Variants in DLG4 observed in about 807,000 individuals in gnomAD.
The protein encoded by DLG4 is disks large homolog 4.
Under a neutral mutation model 93.8 loss-of-function variants are expected in DLG4, and 7 were observed. That is an observed-to-expected ratio of 0.07 (90% confidence interval 0.04 to 0.14). The LOEUF is 0.14. Ranked by LOEUF, DLG4 falls within the 10% of genes least tolerant of loss-of-function variation. DLG4 has a pLI of 1.00. For missense variants in DLG4, 545 were observed against 992.9 expected, an observed-to-expected ratio of 0.55 and a Z score of 6.06; for synonymous variants, 341 against 387.6, an observed-to-expected ratio of 0.88 and a Z score of 1.41.
At chr17:7,205,841 T>C (rs965571364) in intron 2 of DLG4, among the ~76,000 whole-genome samples, 24 of 142,276 alleles carry the variant, frequency 1.7e-4, no homozygotes, top group Non-Finnish European at 3.2e-4. Flanking sequence ...CTCCATCCCA[T>C]AGCCCATCCT....
rs900595364 is a variant in DLG4, at chr17:7,188,118, T to G, written c.*2590A>C. On this transcript the variant is annotated 3_prime_UTR_variant, in exon 20 of 20. Coordinates refer to ENST00000399506, the MANE Select transcript of DLG4 (RefSeq NM_001321075.3). Reference sequence around the variant, plus strand: ...TCTGAAGCAGTGCTTCTCCACCCAGTGAGACATCAAAATCACCCGGGAGCT... The same window carrying G: ...TCTGAAGCAGTGCTTCTCCACCCAGGGAGACATCAAAATCACCCGGGAGCT... Among the ~76,000 whole-genome samples, 11 of 150,228 alleles carry G rather than the reference T, an allele frequency of 7.3e-5. No individual in the cohort carries two copies. Among genetic ancestry groups the G allele is most frequent in the African/African-American group, 7.3e-5 (3 of 40,848 alleles).
intron 2 of DLG4, among the ~76,000 whole-genome samples, chr17:7,206,775 C>G (rs2070484476): frequency 6.6e-6 from 1 of 152,108 alleles, no homozygotes. Context: ...CTTGCCAGTT[C>G]TAACTCCAGA....
At chr17:7,205,088 C>G in intron 2 of DLG4, 1 of 985,558 alleles carries the variant, frequency 1.0e-6, no homozygotes. Flanking sequence ...GAGAGGAGGC[C>G]GGGCTGAAGA....
At position 7,204,205 on chromosome 17, in the gene DLG4, T is replaced by C. The variant is rs2070331789; in HGVS notation, c.144A>G (p.Pro48=). 1 of 1,606,802 alleles carries C rather than the reference T, an allele frequency of 6.2e-7. No homozygotes were observed. The highest frequency in any genetic ancestry group is 8.5e-7 in the Non-Finnish European group (1 of 1,175,210). The change falls in exon 3 of 20, where the codon CCA becomes CCG. Residue 48 remains proline (P), a synonymous_variant. Coordinates refer to ENST00000399506, the MANE Select transcript of DLG4 (RefSeq NM_001321075.3). The part of the protein sequence containing the change: ...VIVNTDTLEA[P]GYELQVNGTE... ...CAAAATCTAAACAACTCACATATCC[T>C]GGGGCTTCTAGGGTATCTGTGTTGA...
upstream of DLG4, chr17:7,218,369 CA>C: frequency 2.0e-6 from 3 of 1,476,026 alleles, no homozygotes; most frequent in Non-Finnish European, 2.8e-6. Flanking sequence ...GGCTGGCTGG[CA>C]AGGGAGGAGC....
rs181408643 is a variant in DLG4, at chr17:7,216,993, A to T, written c.30+125T>A. 8.6e-5 allele frequency: 79 copies of T among 918,934 alleles called. No individual in the cohort carries two copies. The African/African-American group carries it at 1.1e-3, about 13-fold the overall frequency. The allele number at this position is 918,934 out of a possible 1,614,324, so 56.9% of individuals were successfully genotyped here. On this transcript the variant is annotated intron_variant, in intron 1 of 19. Transcript: ENST00000399506. Reference sequence around the variant, plus strand: ...ATGTGAACCCCAAAACTAAATTAAGACCCCCAAATACATCTTACTTCTGAT... The same window carrying T: ...ATGTGAACCCCAAAACTAAATTAAGTCCCCCAAATACATCTTACTTCTGAT...
chr17:7,217,855 G>A, upstream of DLG4: 1 of 1,526,266 alleles, frequency 6.6e-7, no homozygotes, highest in Non-Finnish European at 8.8e-7. Flanking sequence ...AGCATCTATA[G>A]TTGGGCTGGG....
At position 7,211,453 on chromosome 17, in the gene DLG4, C is replaced by T. The variant is rs369076433; in HGVS notation, c.31-3214G>A. Among the ~76,000 whole-genome samples, 16 of 151,658 alleles carry T rather than the reference C, an allele frequency of 1.1e-4. No individual in the cohort carries two copies. In the East Asian group the frequency reaches 2.4e-3, roughly 22 times the overall value. On this transcript the variant is annotated intron_variant, in intron 1 of 19. Transcript: ENST00000399506. Reference sequence around the variant, plus strand: ...CCCAGTTGCACAGAATGACCTGGAACTGAGGCTTGCACCCCCAAAACATAG... The same window carrying T: ...CCCAGTTGCACAGAATGACCTGGAATTGAGGCTTGCACCCCCAAAACATAG...
upstream of DLG4, chr17:7,218,116 G>C: frequency 1.2e-6 from 1 of 853,644 alleles, no homozygotes; most frequent in Non-Finnish European, 1.8e-6. Context: ...CAAGTCCCTG[G>C]GCCACTGACT....
chr17:7,219,824 T>A, upstream of DLG4: 8 of 1,533,794 alleles, frequency 5.2e-6, no homozygotes, highest in Non-Finnish European at 7.0e-6. Flanking sequence ...AGGGCCGGGC[T>A]CCAGGGAACT....
At chr17:7,205,113 G>C (rs1052526051) in intron 2 of DLG4, 4 of 985,454 alleles carry the variant, frequency 4.1e-6, no homozygotes, top group Non-Finnish European at 4.8e-6. Context: ...TGTGGGCGCA[G>C]CGCATCCTGA....
chr17:7,201,603 G>A (rs760391994), intron 8 of DLG4, among the ~76,000 whole-genome samples: 3 of 152,184 alleles, frequency 2.0e-5, no homozygotes, highest in Admixed American at 6.5e-5. Context: ...AACGGAGGCC[G>A]GGCGCGGTGG....
intron 8 of DLG4, among the ~76,000 whole-genome samples, chr17:7,199,173 T>C (rs1212573263): frequency 1.3e-5 from 2 of 152,194 alleles, no homozygotes; most frequent in Non-Finnish European, 2.9e-5. Flanking sequence ...ATGAATGAGA[T>C]TGCCTAGCAT....
chr17:7,189,043 C>A lies in DLG4; in HGVS notation c.*1665G>T, dbSNP rs1381580679. Among the ~76,000 whole-genome samples the A allele has an allele frequency of 7.0e-6, 1 of 142,352 alleles. No homozygotes were observed. The highest frequency in any genetic ancestry group is 1.5e-5 in the Non-Finnish European group (1 of 67,010). The allele number at this position is 142,352 out of a possible 152,430, so 93.4% of individuals were successfully genotyped here. A position where few individuals can be genotyped will look rare whatever the true frequency, so the allele number is the denominator to read the frequency against. On this transcript the variant is annotated 3_prime_UTR_variant, in exon 20 of 20. Transcript: ENST00000399506. ...AGGAGAACCGTGTGAACCCAGCAGG[C>A]AGAGGTTGCAGTGAGCCAAGATCGC...
intron 1 of DLG4, among the ~76,000 whole-genome samples, chr17:7,212,938 C>A (rs1567551228): frequency 6.6e-6 from 1 of 152,054 alleles, no homozygotes; most frequent in Non-Finnish European, 1.5e-5. Context: ...GAGGCTGAGG[C>A]AGGAGGATGG....
Position 7,208,078 on chromosome 17 carries a change from G to T in DLG4, c.96+96C>A. 7.6e-7 allele frequency: 1 copy of T among 1,313,438 alleles called. No individual in the cohort carries two copies. The highest frequency in any genetic ancestry group is 9.8e-7 in the Non-Finnish European group (1 of 1,022,716). 81.4% of individuals were successfully genotyped at this position (1,313,438 alleles called of 1,614,324 possible). ...GGGGGCCACCAGGGTCTCCTACCTTGAAGGGGGAGAGGTGGGCGTGGCCCA... is the reference window on the plus strand; with the variant it reads ...GGGGGCCACCAGGGTCTCCTACCTTTAAGGGGGAGAGGTGGGCGTGGCCCA... On this transcript the variant is annotated intron_variant, in intron 2 of 19. Coordinates refer to ENST00000399506, the MANE Select transcript of DLG4 (RefSeq NM_001321075.3). This position sits in a 1 kb window ranked among gnomAD's most constrained non-coding sequence, Gnocchi z 5.4.
intron 2 of DLG4, among the ~76,000 whole-genome samples, chr17:7,207,124 G>C (rs2070500491): frequency 6.7e-6 from 1 of 149,216 alleles, no homozygotes; most frequent in South Asian, 2.1e-4. Flanking sequence ...GAGGGGGATA[G>C]AAAGAAGATA....
upstream of DLG4, chr17:7,218,599 C>T: frequency 6.4e-7 from 1 of 1,566,608 alleles, no homozygotes; most frequent in Admixed American, 1.9e-5. Context: ...GTGCCCACCG[C>T]AGCAGTGGGG....
At chr17:7,200,378 T>C (rs983080832) in intron 8 of DLG4, among the ~76,000 whole-genome samples, 1 of 152,222 alleles carries the variant, frequency 6.6e-6, no homozygotes, top group Non-Finnish European at 1.5e-5. Flanking sequence ...CAGTAAAGTT[T>C]TGTCATTTTC....
Sources: allele counts gnomAD v4.1 joint callset (sites outside exome capture counted in the v4.1 genomes callset), GRCh38; gene constraint gnomAD v4.1.1; non-coding constraint Gnocchi (gnomAD v3.1); transcripts MANE v1.5; gene names NCBI Gene and HGNC (gene_info 2026-07-23, HGNC 2026-07-21).